The following ITGBL1 variants were observed in gnomAD, a reference collection of about 807,000 sequenced individuals.
The protein encoded by ITGBL1 is integrin subunit beta like 1.
In ITGBL1, 51 loss-of-function variants were observed where a neutral mutation model predicts 68.5. The observed-to-expected ratio is 0.74, with a 90% CI of 0.59 to 0.94. ITGBL1 has a LOEUF of 0.94. Among genes scored for constraint, ITGBL1 ranks in the 40% least tolerant of loss-of-function variants. The probability of loss-of-function intolerance (pLI) is 0.00; values close to 1 mark genes in which losing one functional copy is unlikely to be tolerated. For synonymous variants in ITGBL1, 209 were observed against 227.3 expected (o/e 0.92, Z 0.72); for missense variants, 649 against 647.4 (o/e 1.00, Z -0.03).
chr13:101,472,661 T>C lies in ITGBL1; in HGVS notation c.316+18561T>C, dbSNP rs1350387973. On this transcript the variant is annotated intron_variant, in intron 2 of 10. Transcript: ENST00000376180. The stretch of plus-strand genomic sequence containing the variant: ...CAGGCATTGGGTGGCCAGTCAACTG[T>C]TTTAAATTAACTGACAATGCTATTG... 2.6e-5 allele frequency among the ~76,000 whole-genome samples: 4 copies of C among 152,290 alleles called. No individual in the cohort carries two copies. The Middle Eastern group carries it at 0.01, about 388-fold the overall frequency.
chr13:101,481,496 G>A (rs2139039762), intron 2 of ITGBL1, among the ~76,000 whole-genome samples: 1 of 152,032 alleles, frequency 6.6e-6, no homozygotes, highest in South Asian at 2.1e-4. Flanking sequence ...GCTGCAATTT[G>A]GTAAATGTAA....
intron 3 of ITGBL1, among the ~76,000 whole-genome samples, chr13:101,568,622 G>T (rs889800386): frequency 1.3e-5 from 2 of 151,992 alleles, no homozygotes; most frequent in Middle Eastern, 3.2e-3. Flanking sequence ...GACGTTGGTG[G>T]TTTTTTTAAA....
At chr13:101,597,329 A>G (rs1320563460) in intron 6 of ITGBL1, among the ~76,000 whole-genome samples, 1 of 151,174 alleles carries the variant, frequency 6.6e-6, no homozygotes. Context: ...GTTAATGTCA[A>G]CTTTTCTATA....
chr13:101,474,431 T>A (rs1480798161), intron 2 of ITGBL1, among the ~76,000 whole-genome samples: 1 of 152,112 alleles, frequency 6.6e-6, no homozygotes, highest in Non-Finnish European at 1.5e-5. Context: ...ATTATTAAGT[T>A]TCCTGACTCC....
In ITGBL1 at chr13:101,453,886, C is replaced by T. The variant is rs932808208; in HGVS notation, c.102C>T (p.Ser34=). The T allele has an allele frequency of 4.8e-6, 6 of 1,243,666 alleles. No individual in the cohort carries two copies. Among genetic ancestry groups the T allele is most frequent in the Admixed American group, 8.6e-5 (2 of 23,328 alleles). 77.0% of individuals were successfully genotyped at this position (1,243,666 alleles called of 1,614,324 possible). ...CGGTTGCTTGTCGCCCGCGCAGGAG[C>T]TGGCCGGGCGCCGCCTGCAGGCTGT... ...VPQSFSPSLR[S]WPGAACRLSR... The change falls in exon 2 of 11, where the codon AGC becomes AGT. Residue 34 remains serine (S), a synonymous_variant. Transcript: ENST00000376180.
chr13:101,526,521 A>T (rs1205017295), intron 2 of ITGBL1, among the ~76,000 whole-genome samples: 1 of 152,110 alleles, frequency 6.6e-6, no homozygotes, highest in Non-Finnish European at 1.5e-5. Context: ...GGATGAGTTC[A>T]TGTCCTTTTC....
intron 6 of ITGBL1, among the ~76,000 whole-genome samples, chr13:101,590,317 A>G (rs1351808695): frequency 2.0e-5 from 3 of 152,160 alleles, no homozygotes; most frequent in Non-Finnish European, 4.4e-5. Flanking sequence ...GATTCCGACT[A>G]TGCAACTTAA....
At chr13:101,585,288 G>A (rs1055520711) in intron 6 of ITGBL1, among the ~76,000 whole-genome samples, 6 of 152,170 alleles carry the variant, frequency 3.9e-5, no homozygotes, top group African/African-American at 1.4e-4. Context: ...AGCATAGAGG[G>A]CAAAGGGTAA....
intron 7 of ITGBL1, among the ~76,000 whole-genome samples, chr13:101,637,383 A>G (rs1207278022): frequency 7.1e-6 from 1 of 141,104 alleles, no homozygotes. Context: ...TCACTCTGTC[A>G]CCCAGGCTAG....
chr13:101,658,590 T>C (rs2032996645), intron 7 of ITGBL1, among the ~76,000 whole-genome samples: 2 of 152,166 alleles, frequency 1.3e-5, no homozygotes, highest in South Asian at 2.1e-4. Context: ...GTGTCTTATA[T>C]ACTTATATTA....
At chr13:101,496,616 A>C (rs1158802730) in intron 2 of ITGBL1, among the ~76,000 whole-genome samples, 1 of 152,152 alleles carries the variant, frequency 6.6e-6, no homozygotes, top group Non-Finnish European at 1.5e-5. Context: ...ATCAGTATCA[A>C]TGGCCTTTGA....
At position 101,544,690 on chromosome 13, in the gene ITGBL1, G is replaced by C. The variant is rs907510447; in HGVS notation, c.317-23009G>C. On this transcript the variant is annotated intron_variant, in intron 2 of 10. Transcript: ENST00000376180. ...AGACAGGCAGGCCTCCTTGAGCTGC[G>C]GTGGGCTCCACCCAGTTCAAGCTTC... Among the ~76,000 whole-genome samples the C allele has an allele frequency of 5.3e-5, 8 of 152,146 alleles. No homozygotes were observed. In the East Asian group the frequency reaches 1.4e-3, roughly 26 times the overall value.
At chr13:101,675,274 A>C (rs2033473897) in intron 7 of ITGBL1, among the ~76,000 whole-genome samples, 1 of 148,224 alleles carries the variant, frequency 6.7e-6, no homozygotes, top group Non-Finnish European at 1.5e-5. Context: ...GTCTCTGTGG[A>C]TTTCTTTTTA....
At chr13:101,697,429 T>C (rs1259666768) in intron 8 of ITGBL1, among the ~76,000 whole-genome samples, 1 of 152,232 alleles carries the variant, frequency 6.6e-6, no homozygotes, top group African/African-American at 2.4e-5. Context: ...AAAGTCCACA[T>C]TGTATGGTAT....
chr13:101,706,962 A>T, intron 9 of ITGBL1, 60 bp downstream of exon 9: 1 of 1,544,800 alleles, frequency 6.5e-7, no homozygotes, highest in Non-Finnish European at 8.9e-7. Flanking sequence ...TTTGTAGAAC[A>T]GCATGTAGCA....
intron 7 of ITGBL1, 109 bp downstream of exon 7, chr13:101,598,408 TG>T: frequency 1.1e-6 from 1 of 906,184 alleles, no homozygotes; most frequent in Non-Finnish European, 1.5e-6. Flanking sequence ...TTCTGCTTTT[TG>T]GTTTTTTTGT....
At chr13:101,678,315 T>C (rs2033554604) in intron 7 of ITGBL1, among the ~76,000 whole-genome samples, 1 of 152,208 alleles carries the variant, frequency 6.6e-6, no homozygotes, top group South Asian at 2.1e-4. Context: ...AACTGTTGTT[T>C]TATGGTGAAT....
At chr13:101,626,111 G>A (rs575276051) in intron 7 of ITGBL1, among the ~76,000 whole-genome samples, 1 of 152,146 alleles carries the variant, frequency 6.6e-6, no homozygotes, top group African/African-American at 2.4e-5. Flanking sequence ...GTAGACTAAC[G>A]GTATCAGCAT....
At position 101,575,409 on chromosome 13, in the gene ITGBL1, G is replaced by C. The variant is rs374758363; in HGVS notation, c.464-15G>C. 6.2e-7 allele frequency: 1 copy of C among 1,602,022 alleles called. No homozygotes were observed. The highest frequency in any genetic ancestry group is 8.5e-7 in the Non-Finnish European group (1 of 1,175,516). The stretch of plus-strand genomic sequence containing the variant: ...GTGCATGTAACAAACAGTCTTTTTT[G>C]TTTTCATGGTTTAGGTACATGTCAC... On this transcript the variant is annotated splice_polypyrimidine_tract_variant and intron_variant, in intron 3 of 10. Coordinates refer to ENST00000376180, the MANE Select transcript of ITGBL1 (RefSeq NM_004791.3).
Sources: gnomAD v4.1 joint callset for allele counts (sites outside exome capture counted in the v4.1 genomes callset) on GRCh38, gnomAD v4.1.1 for gene constraint, MANE v1.5 for transcripts, NCBI Gene and HGNC (gene_info 2026-07-23, HGNC 2026-07-21) for gene names.